The following RNF217 variants were observed in gnomAD, a reference collection of about 807,000 sequenced individuals.
The protein encoded by RNF217 is E3 ubiquitin-protein ligase RNF217.
Under a neutral mutation model 57.8 loss-of-function variants are expected in RNF217, and 31 were observed. The observed-to-expected ratio is 0.54, with a 90% CI of 0.40 to 0.72. The LOEUF is 0.72. Ranked by LOEUF, RNF217 falls within the 30% of genes least tolerant of loss-of-function variation. The pLI, the probability that RNF217 is intolerant of heterozygous loss-of-function variation, is 0.00. For missense variants in RNF217, 696 were observed against 708.3 expected, an observed-to-expected ratio of 0.98 and a Z score of 0.20; for synonymous variants, 313 against 294.0, an observed-to-expected ratio of 1.06 and a Z score of -0.66.
In RNF217 at chr6:124,971,714, G is replaced by T. The variant is rs138827013; in HGVS notation, c.882+8288G>T. 1.6e-3 allele frequency: 249 copies of T among 154,232 alleles called. 8 individuals are homozygous for T. In the East Asian group the frequency reaches 0.042, roughly 26 times the overall value. The allele number at this position is 154,232 out of a possible 1,614,324, so 9.6% of individuals were successfully genotyped here. On this transcript the variant is annotated intron_variant, in intron 1 of 5. Transcript: ENST00000521654. ...GGTGATCCTCCTGCCTCGGCCTCCC[G>T]AAGTGCTGAGATTACAGGCGTGAGC...
Position 125,085,087 on chromosome 6 carries a change from C to T in RNF217, c.*2150C>T, listed in dbSNP as rs1788733455. ...TGCATATGAACACATATGCCATATA[C>T]ATATATACCAACGGGCTGAATAACA... On this transcript the variant is annotated 3_prime_UTR_variant, in exon 6 of 6. Coordinates refer to ENST00000521654, the MANE Select transcript of RNF217 (RefSeq NM_001286398.3). 1 of 151,824 alleles carries T rather than the reference C, an allele frequency of 6.6e-6. No individual in the cohort carries two copies. 9.4% of individuals were successfully genotyped at this position (151,824 alleles called of 1,614,324 possible).
chr6:125,039,135 A>G, intron 1 of RNF217, among the ~76,000 whole-genome samples: 1 of 152,122 alleles, frequency 6.6e-6, no homozygotes, highest in East Asian at 1.9e-4. Context: ...TTTGCTGAGG[A>G]TAATAGCTTC....
At chr6:125,015,240 C>T (rs1045294173) in intron 1 of RNF217, among the ~76,000 whole-genome samples, 6 of 152,222 alleles carry the variant, frequency 3.9e-5, no homozygotes, top group African/African-American at 1.2e-4. Flanking sequence ...TACCTAAACT[C>T]TATTACTTTA....
Position 125,045,442 on chromosome 6 carries a change from A to G in RNF217, c.1114A>G (p.Lys372Glu). 6.2e-7 allele frequency: 1 copy of G among 1,609,808 alleles called. No individual in the cohort carries two copies. The highest frequency in any genetic ancestry group is 8.5e-7 in the Non-Finnish European group (1 of 1,177,330). Residue 372 changes from lysine (K) to glutamate (E), a missense_variant and splice_region_variant, in exon 2 of 6, where the codon AAA becomes GAA. Lys to Glu is a moderately conservative substitution (Grantham distance 56, BLOSUM62 1). Coordinates refer to ENST00000521654, the MANE Select transcript of RNF217 (RefSeq NM_001286398.3). ...PTPSRSESKY[K>E]IQCPTCQFVW... Reference sequence around the variant, plus strand: ...CCCTTCCAGATCAGAAAGCAAATACAAAGTAAGCATTTTCACCAGAGCTGT... The same window carrying G: ...CCCTTCCAGATCAGAAAGCAAATACGAAGTAAGCATTTTCACCAGAGCTGT...
chr6:124,964,353 A>ACTTTCACAGTATCTTATATT (rs1783439818), intron 1 of RNF217, among the ~76,000 whole-genome samples: 4 of 152,202 alleles, frequency 2.6e-5, no homozygotes, highest in Middle Eastern at 6.8e-3. Context: ...CTGCTTATAT[A>ACTTTCACAGTATCTTATATT]CTTTCACAGT....
Position 125,076,719 on chromosome 6 carries a change from T to G in RNF217, c.1344T>G (p.Phe448Leu). The G allele has an allele frequency of 6.2e-7, 1 of 1,613,398 alleles. No individual in the cohort carries two copies. Among genetic ancestry groups the G allele is most frequent in the Non-Finnish European group, 8.5e-7 (1 of 1,179,496 alleles). ...HMTCSQCNTN[F>L]CYRCGERYRQ... ...CCTGCTCACAATGTAACACTAATTT[T>G]TGTTACCGATGTGGTGAGAGATACC... The change falls in exon 4 of 6, where the codon TTT (phenylalanine) becomes TTG (leucine). Residue 448 changes from phenylalanine to leucine, a missense_variant. This residue lies in a region of RNF217 where 231 missense variants were observed against 321.4 expected (regional missense o/e 0.72). Transcript: ENST00000521654.
chr6:125,020,806 A>T (rs371159639), intron 1 of RNF217, among the ~76,000 whole-genome samples: 3 of 152,250 alleles, frequency 2.0e-5, no homozygotes, highest in South Asian at 4.1e-4. Context: ...CAACAAATAA[A>T]TACTCTAACA....
At chr6:125,023,428 G>T (rs6909569) in intron 1 of RNF217, among the ~76,000 whole-genome samples, 140,648 of 152,216 alleles carry the variant, frequency 0.92, 65,418 homozygotes, top group Non-Finnish European at 0.98. Context: ...GACTTGTGTT[G>T]TAAAAAGAGT....
At position 125,024,666 on chromosome 6, in the gene RNF217, G is replaced by A. The variant is rs1000309926; in HGVS notation, c.883-20545G>A. Among the ~76,000 whole-genome samples, 37 of 148,590 alleles carry A rather than the reference G, an allele frequency of 2.5e-4. 1 individual carries two copies. The highest frequency in any genetic ancestry group is 9.2e-4 in the African/African-American group (37 of 40,062). On this transcript the variant is annotated intron_variant, in intron 1 of 5. Transcript: ENST00000521654. Reference sequence around the variant, plus strand: ...GCCCGGGAGGCAGAGGTCGCAGTGAGCCAAGATCATGCCACTGCACTCCAG... The same window carrying A: ...GCCCGGGAGGCAGAGGTCGCAGTGAACCAAGATCATGCCACTGCACTCCAG...
intron 3 of RNF217, among the ~76,000 whole-genome samples, chr6:125,075,697 T>C (rs1045943719): frequency 6.6e-6 from 1 of 152,198 alleles, no homozygotes; most frequent in African/African-American, 2.4e-5. Flanking sequence ...CAAAATATTA[T>C]GTATTTTGAT....
chr6:124,977,593 C>A (rs962835328), intron 1 of RNF217, among the ~76,000 whole-genome samples: 1 of 152,166 alleles, frequency 6.6e-6, no homozygotes, highest in African/African-American at 2.4e-5. Context: ...TGGCTTATTA[C>A]AATCTAAATG....
intron 1 of RNF217, among the ~76,000 whole-genome samples, chr6:125,002,778 G>A (rs1785037570): frequency 1.3e-5 from 2 of 151,904 alleles, no homozygotes; most frequent in South Asian, 4.1e-4. Context: ...CATTATTTTT[G>A]TAACTAAGTA....
intron 1 of RNF217, among the ~76,000 whole-genome samples, chr6:125,044,327 C>T (rs508732): frequency 0.4 from 60,665 of 151,836 alleles, 12,567 homozygotes; most frequent in South Asian, 0.53. Flanking sequence ...TCACTACTTA[C>T]GAAAAATACT....
At chr6:125,010,818 A>G (rs1785386964) in intron 1 of RNF217, among the ~76,000 whole-genome samples, 1 of 152,160 alleles carries the variant, frequency 6.6e-6, no homozygotes, top group African/African-American at 2.4e-5. Flanking sequence ...TGGGTGTAGC[A>G]GAGAGAGCTG....
At chr6:125,004,659 T>A in intron 1 of RNF217, among the ~76,000 whole-genome samples, 1 of 152,218 alleles carries the variant, frequency 6.6e-6, no homozygotes, top group East Asian at 1.9e-4. Flanking sequence ...TCTTTTTAAA[T>A]GATCCTCTGT....
At chr6:124,976,124 T>G (rs953226980) in intron 1 of RNF217, among the ~76,000 whole-genome samples, 2 of 152,114 alleles carry the variant, frequency 1.3e-5, no homozygotes, top group African/African-American at 4.8e-5. Flanking sequence ...ACATACTGTT[T>G]GTCAAGTTCT....
intron 1 of RNF217, chr6:125,006,224 AGAAAAAT>A (rs1254543376): frequency 6.6e-6 from 1 of 152,226 alleles, no homozygotes; most frequent in African/African-American, 2.4e-5. Flanking sequence ...CAATAAATGA[AGAAAAAT>A]AAGTTATGAA....
intron 1 of RNF217, among the ~76,000 whole-genome samples, chr6:124,992,588 G>A (rs1390074505): frequency 1.3e-5 from 2 of 151,756 alleles, no homozygotes; most frequent in South Asian, 2.1e-4. Context: ...AAGAGGGGAG[G>A]TTTTTCTTGT....
At chr6:125,010,349 T>G (rs1785371927) in intron 1 of RNF217, among the ~76,000 whole-genome samples, 1 of 152,216 alleles carries the variant, frequency 6.6e-6, no homozygotes, top group Non-Finnish European at 1.5e-5. Context: ...TTTCAATTGA[T>G]TCTTCTCATT....
Sources: allele counts gnomAD v4.1 joint callset (sites outside exome capture counted in the v4.1 genomes callset), GRCh38; gene constraint gnomAD v4.1.1; regional missense constraint gnomAD v4.1.1; transcripts MANE v1.5; gene names NCBI Gene and HGNC (gene_info 2026-07-23, HGNC 2026-07-21).